Variants in LINC00632 observed in about 807,000 individuals in gnomAD.
LINC00632 encodes the protein ALDOA related specific transcript.
At chrX:140,786,851 T>C (rs1365875420) in exon 5 of LINC00632, among the ~76,000 whole-genome samples, 5 of 111,789 alleles carry the variant, frequency 4.5e-5, no homozygotes, top group Admixed American at 3.8e-4. Flanking sequence ...TAAAATGCTA[T>C]GGCATATTCA....
rs370762951 is a variant in LINC00632 at position 140,785,333 on chromosome X, T to C, written n.13352T>C. ...CCATTGAAGCTAGGTACCATCATTA[T>C]CCCTATTTTACAGATGAGGAAACTG... On this transcript the variant is annotated non_coding_transcript_exon_variant, in exon 5 of 5. Transcript: ENST00000648200. Among the ~76,000 whole-genome samples, 51 of 111,850 alleles carry C rather than the reference T, an allele frequency of 4.6e-4. 1 individual carries two copies. Among genetic ancestry groups the C allele is most frequent in the African/African-American group, 1.7e-3 (51 of 30,891 alleles).
intron 3 of LINC00632, among the ~76,000 whole-genome samples, chrX:140,738,350 C>A (rs1602741752): frequency 8.9e-6 from 1 of 111,843 alleles, no homozygotes; most frequent in East Asian, 2.8e-4. Flanking sequence ...GACCACCGTT[C>A]TAGTCTGTCT....
chrX:140,765,075 G>A (rs2148398268), intron 3 of LINC00632, among the ~76,000 whole-genome samples: 1 of 111,905 alleles, frequency 8.9e-6, no homozygotes, highest in African/African-American at 3.2e-5. Flanking sequence ...CAAGAAGCTA[G>A]ATAAGAAATA....
intron 2 of LINC00632, among the ~76,000 whole-genome samples, chrX:140,718,636 C>T (rs945745999): frequency 4.5e-5 from 5 of 111,201 alleles, no homozygotes; most frequent in Admixed American, 9.6e-5. Flanking sequence ...TTCTCGAACT[C>T]CTGACCTCAG....
chrX:140,748,065 T>A (rs751050387), intron 3 of LINC00632, among the ~76,000 whole-genome samples: 47 of 111,653 alleles, frequency 4.2e-4, no homozygotes, highest in South Asian at 1.9e-3. Flanking sequence ...TGACCTCAGG[T>A]GATCTGCCCG....
intron 2 of LINC00632, among the ~76,000 whole-genome samples, chrX:140,712,860 A>G (rs901769551): frequency 2.8e-5 from 3 of 105,975 alleles, no homozygotes; most frequent in Non-Finnish European, 5.8e-5. Context: ...TGGGGGGGAA[A>G]AAAAAGGGCG....
intron 3 of LINC00632, among the ~76,000 whole-genome samples, chrX:140,754,955 T>C (rs147549049): frequency 0.014 from 1,517 of 111,034 alleles, 23 homozygotes; most frequent in African/African-American, 0.046. Context: ...ATATGGGCCT[T>C]AGGTAAGAAG....
intron 1 of LINC00632, among the ~76,000 whole-genome samples, chrX:140,711,462 G>A (rs1930513537): frequency 9.0e-6 from 1 of 111,663 alleles, no homozygotes; most frequent in African/African-American, 3.2e-5. Context: ...CCACAAGAAT[G>A]TGGTGTTTTG....
intron 3 of LINC00632, among the ~76,000 whole-genome samples, chrX:140,737,202 G>A (rs769742384): frequency 4.0e-4 from 45 of 111,142 alleles, no homozygotes; most frequent in African/African-American, 1.2e-3. Flanking sequence ...AGTCGGCTGA[G>A]GATTGATTTT....
At chrX:140,742,095 G>A (rs1931231926) in intron 3 of LINC00632, among the ~76,000 whole-genome samples, 1 of 111,681 alleles carries the variant, frequency 9.0e-6, no homozygotes, top group Admixed American at 9.6e-5. Context: ...TCTTTGTAGG[G>A]AACTTCTAAT....
chrX:140,755,165 A>G (rs1931473102), intron 3 of LINC00632, among the ~76,000 whole-genome samples: 1 of 112,048 alleles, frequency 8.9e-6, no homozygotes, highest in Admixed American at 9.5e-5. Flanking sequence ...GAACTTCCTG[A>G]CACTACAGGT....
intron 3 of LINC00632, among the ~76,000 whole-genome samples, chrX:140,762,242 A>AGAGAGAGAGAGAGAAAGAGAGAGAGAGC (rs1286418753): frequency 6.0e-5 from 6 of 99,793 alleles, no homozygotes; most frequent in African/African-American, 2.3e-4. Context: ...AGAGAGAGAG[A>AGAGAGAGAGAGAGAAAGAGAGAGAGAGC]GCACTCTTAT....
exon 5 of LINC00632, among the ~76,000 whole-genome samples, chrX:140,774,867 T>G (rs1461581164): frequency 9.0e-6 from 1 of 111,662 alleles, no homozygotes; most frequent in Non-Finnish European, 1.9e-5. Flanking sequence ...GGAACTCAAC[T>G]ATAGCATTTA....
exon 5 of LINC00632, chrX:140,784,495 C>T: frequency 1.3e-6 from 1 of 747,633 alleles, no homozygotes; most frequent in Admixed American, 3.0e-5. Context: ...ATCTGCTCGT[C>T]TTCCAACATC....
exon 5 of LINC00632, among the ~76,000 whole-genome samples, chrX:140,776,573 C>G (rs886709186): frequency 4.4e-5 from 5 of 112,623 alleles, no homozygotes; most frequent in Admixed American, 2.8e-4. Context: ...GGGTGTCGCG[C>G]GCTGGCCTGT....
intron 2 of LINC00632, among the ~76,000 whole-genome samples, chrX:140,729,291 G>A (rs1263144873): frequency 2.0e-4 from 22 of 109,015 alleles, no homozygotes; most frequent in Admixed American, 5.0e-4. Flanking sequence ...AGTATTGCCC[G>A]AAAATGCACA....
At chrX:140,713,502 T>C (rs951779066) in intron 2 of LINC00632, 7 of 337,972 alleles carry the variant, frequency 2.1e-5, no homozygotes, top group African/African-American at 1.9e-4. Flanking sequence ...AAGTGTTGTC[T>C]ATTATTATTT....
intron 3 of LINC00632, among the ~76,000 whole-genome samples, chrX:140,744,568 G>T (rs5954082): frequency 0.11 from 3,767 of 33,460 alleles, 183 homozygotes; most frequent in African/African-American, 0.26. Context: ...GCTTTTTTTT[G>T]GGGGGGGGGG....
At chrX:140,788,151 A>C (rs1049100516) in exon 5 of LINC00632, among the ~76,000 whole-genome samples, 2 of 109,307 alleles carry the variant, frequency 1.8e-5, no homozygotes, top group East Asian at 5.7e-4. Context: ...GCAAAAAAAA[A>C]ATTGAAGATG....
Sources: gnomAD v4.1 joint callset for allele counts (sites outside exome capture counted in the v4.1 genomes callset) on GRCh38, gnomAD v4.1.1 for gene constraint, MANE v1.5 for transcripts, NCBI Gene and HGNC (gene_info 2026-07-23, HGNC 2026-07-21) for gene names.